The following SUGCT variants were observed in gnomAD, a reference collection of about 807,000 sequenced individuals.
The protein encoded by SUGCT is succinyl-CoA:glutarate-CoA transferase, also known as succinyl-CoA:glutarate CoA-transferase.
Under a neutral mutation model 55.0 loss-of-function variants are expected in SUGCT, and 41 were observed. The observed-to-expected ratio is 0.74, with a 90% CI of 0.58 to 0.97. The LOEUF is 0.97. Ranked by LOEUF, SUGCT falls within the 50% of genes least tolerant of loss-of-function variation. The probability of loss-of-function intolerance (pLI) is 0.00; values close to 1 mark genes in which losing one functional copy is unlikely to be tolerated. For synonymous variants in SUGCT, 187 were observed against 200.4 expected (o/e 0.93, Z 0.56); for missense variants, 568 against 547.8 (o/e 1.04, Z -0.37).
At chr7:41,036,921 A>G in the SUGCT span, among the ~76,000 whole-genome samples, 5 of 152,330 alleles carry the variant, frequency 3.3e-5, no homozygotes, top group Non-Finnish European at 7.3e-5. Context: ...TGCTGCAATC[A>G]GGCACAAACT....
chr7:40,141,637 C>CAA (rs58487461), intron 1 of SUGCT, among the ~76,000 whole-genome samples: 7 of 57,130 alleles, frequency 1.2e-4, no homozygotes, highest in African/African-American at 3.0e-4. Context: ...GACTCCATCT[C>CAA]AAAAAAAAAA....
At chr7:40,917,563 C>T in the SUGCT span, among the ~76,000 whole-genome samples, 1 of 152,044 alleles carries the variant, frequency 6.6e-6, no homozygotes, top group African/African-American at 2.4e-5. Context: ...ACAGACATAC[C>T]CAGGATCTAG....
At chr7:40,926,007 T>C in the SUGCT span, among the ~76,000 whole-genome samples, 3 of 151,872 alleles carry the variant, frequency 2.0e-5, no homozygotes, top group Admixed American at 6.6e-5. Flanking sequence ...GGTGGGAGGA[T>C]TGCTTGAGCC....
chr7:40,788,034 C>T (rs903385515), intron 13 of SUGCT, among the ~76,000 whole-genome samples: 11 of 152,196 alleles, frequency 7.2e-5, no homozygotes, highest in African/African-American at 2.7e-4. Context: ...AAGCCACTCA[C>T]TCTACCACCT....
chr7:40,677,983 C>G (rs1355653349), intron 12 of SUGCT, among the ~76,000 whole-genome samples: 1 of 152,168 alleles, frequency 6.6e-6, no homozygotes, highest in African/African-American at 2.4e-5. Context: ...CCAGCTTGAC[C>G]TGGCTATTAG....
intron 12 of SUGCT, among the ~76,000 whole-genome samples, chr7:40,526,395 A>G (rs145758266): frequency 1.3e-5 from 2 of 152,280 alleles, no homozygotes; most frequent in African/African-American, 4.8e-5. Context: ...GGACTTCTCT[A>G]CTTGTTACTG....
chr7:40,857,676 A>G (rs1044755193), intron 13 of SUGCT, among the ~76,000 whole-genome samples: 1 of 152,130 alleles, frequency 6.6e-6, no homozygotes, highest in Non-Finnish European at 1.5e-5. Flanking sequence ...GGCGCTTAGT[A>G]CTGATATGCA....
the SUGCT span, among the ~76,000 whole-genome samples, chr7:40,951,733 G>T: frequency 1.3e-5 from 2 of 152,118 alleles, no homozygotes; most frequent in Non-Finnish European, 2.9e-5. Context: ...TCAGGAGCAG[G>T]TTATTCAGTT....
intron 13 of SUGCT, among the ~76,000 whole-genome samples, chr7:40,779,127 C>G (rs1789603824): frequency 6.6e-6 from 1 of 152,106 alleles, no homozygotes; most frequent in African/African-American, 2.4e-5. Context: ...CAGAAAAATT[C>G]ACCCAACTTC....
intron 12 of SUGCT, among the ~76,000 whole-genome samples, chr7:40,738,939 A>T (rs1314807742): frequency 1.3e-5 from 2 of 152,048 alleles, no homozygotes; most frequent in Admixed American, 6.6e-5. Flanking sequence ...TTCTACTAAA[A>T]CTCTATTCAT....
At chr7:40,257,500 GCTT>G (rs1790889253) in intron 7 of SUGCT, among the ~76,000 whole-genome samples, 1 of 152,018 alleles carries the variant, frequency 6.6e-6, no homozygotes, top group Non-Finnish European at 1.5e-5. Flanking sequence ...AAAAGAGAAA[GCTT>G]CTTTTTAAAA....
At chr7:40,723,239 G>A (rs1786441773) in intron 12 of SUGCT, among the ~76,000 whole-genome samples, 1 of 151,786 alleles carries the variant, frequency 6.6e-6, no homozygotes, top group African/African-American at 2.4e-5. Context: ...TAGAATCTTG[G>A]TCCCACCATT....
At chr7:40,841,553 G>T (rs967184804) in intron 13 of SUGCT, among the ~76,000 whole-genome samples, 12 of 152,116 alleles carry the variant, frequency 7.9e-5, no homozygotes, top group Non-Finnish European at 1.2e-4. Context: ...TGTAGACAAA[G>T]AATTGATTTA....
At chr7:40,636,757 G>A (rs1396174651) in intron 12 of SUGCT, among the ~76,000 whole-genome samples, 1 of 152,062 alleles carries the variant, frequency 6.6e-6, no homozygotes, top group Non-Finnish European at 1.5e-5. Context: ...ATGCTTAAAA[G>A]GATACATTTT....
intron 13 of SUGCT, among the ~76,000 whole-genome samples, chr7:40,757,765 A>T (rs1356919396): frequency 6.6e-6 from 1 of 152,196 alleles, no homozygotes; most frequent in African/African-American, 2.4e-5. Flanking sequence ...AAGCCACAGG[A>T]AGAGTAAAAG....
At chr7:40,345,294 C>T (rs918072818) in intron 9 of SUGCT, among the ~76,000 whole-genome samples, 3 of 152,230 alleles carry the variant, frequency 2.0e-5, no homozygotes, top group South Asian at 2.1e-4. Context: ...TCCTCCCCTA[C>T]GGAGGGATAA....
At chr7:40,819,078 G>C (rs1360948383) in intron 13 of SUGCT, among the ~76,000 whole-genome samples, 1 of 151,866 alleles carries the variant, frequency 6.6e-6, no homozygotes, top group African/African-American at 2.4e-5. Flanking sequence ...TCCCTACAAA[G>C]GACATGAAAT....
chr7:40,887,363 G>A, the SUGCT span, among the ~76,000 whole-genome samples: 2 of 152,324 alleles, frequency 1.3e-5, no homozygotes, highest in East Asian at 3.9e-4. Flanking sequence ...AACTACTGTA[G>A]TAGTAAGAGC....
At chr7:40,926,354 A>G in the SUGCT span, among the ~76,000 whole-genome samples, 1,836 of 152,210 alleles carry the variant, frequency 0.012, 10 homozygotes, top group Middle Eastern at 0.02. Context: ...AACATCCACA[A>G]AATTTCTTCC....
Sources: gnomAD v4.1 joint callset for allele counts (sites outside exome capture counted in the v4.1 genomes callset) on GRCh38, gnomAD v4.1.1 for gene constraint, MANE v1.5 for transcripts, NCBI Gene and HGNC (gene_info 2026-07-23, HGNC 2026-07-21) for gene names.